The following SHROOM2 variants were observed in gnomAD, a reference collection of about 807,000 sequenced individuals.
SHROOM2 encodes the protein shroom family member 2.
SHROOM2 carries 33 observed loss-of-function variants against 75.9 expected under a neutral mutation model. The ratio of observed to expected loss-of-function variants is 0.43; its 90% CI spans 0.33 to 0.58. The LOEUF (loss-of-function observed/expected upper bound fraction) is 0.58. SHROOM2 is among the 20% of genes least tolerant of loss of function. The pLI, the probability that SHROOM2 is intolerant of heterozygous loss-of-function variation, is 0.04. For missense variants in SHROOM2, 1,434 were observed against 1,461.2 expected (o/e 0.98, Z 0.30); for synonymous variants, 655 against 663.6 (o/e 0.99, Z 0.20).
At chrX:9,939,399 C>T (rs370617364) in intron 8 of SHROOM2, 33 bp downstream of exon 8, 19 of 1,143,057 alleles carry the variant, frequency 1.7e-5, no homozygotes, top group Non-Finnish European at 2.2e-5. Context: ...ACAGCGTGTG[C>T]GTGTCCAGGC....
intron 1 of SHROOM2, among the ~76,000 whole-genome samples, chrX:9,857,563 T>A (rs1000784808): frequency 1.8e-5 from 2 of 109,229 alleles, no homozygotes; most frequent in Admixed American, 9.8e-5. Flanking sequence ...ATGTTTAAAA[T>A]TTTTTTGTAG....
intron 1 of SHROOM2, among the ~76,000 whole-genome samples, chrX:9,859,722 G>A (rs918734491): frequency 3.6e-5 from 4 of 111,692 alleles, no homozygotes; most frequent in Non-Finnish European, 5.6e-5. Flanking sequence ...CTGTTGTTGC[G>A]GGTGTGTGAT....
rs764975606 is a variant in SHROOM2 at position 9,894,919 on chromosome X, C to G, written c.1011C>G (p.Gly337=). ...AATKSHEKAQ[G]PVFSEAAAAQ... is the part of the protein sequence containing the mutation. ...CCAAGAGCCACGAGAAGGCCCAGGG[C>G]CCTGTGTTCTCAGAGGCGGCTGCGG... The change falls in exon 4 of 10, where the codon GGC becomes GGG. Residue 337 remains glycine, a synonymous_variant. Coordinates refer to ENST00000380913, the MANE Select transcript of SHROOM2 (RefSeq NM_001649.4). 1.7e-6 allele frequency: 2 copies of G among 1,211,493 alleles called. No homozygotes were observed. The highest frequency in any genetic ancestry group is 2.2e-6 in the Non-Finnish European group (2 of 895,403).
rs779676729 is a variant in SHROOM2 at position 9,937,248 on chromosome X, G to A, written c.3702G>A (p.Glu1234=). 1.2e-4 allele frequency: 147 copies of A among 1,208,818 alleles called. No homozygotes were observed. The highest frequency in any genetic ancestry group is 1.6e-4 in the Non-Finnish European group (141 of 894,473). The change falls in exon 7 of 10, where the codon GAG becomes GAA. Residue 1234 remains glutamate, a synonymous_variant. Coordinates refer to ENST00000380913, the MANE Select transcript of SHROOM2 (RefSeq NM_001649.4). ...ESRQSLACPA[E]PPALPHGLEK... ...GCCAGAGCCTGGCATGCCCCGCCGA[G>A]CCACCTGCCCTGCCCCACGGGCTGG... is the stretch of plus-strand genomic sequence containing the variant.
rs746719513 is a variant in SHROOM2 at position 9,822,002 on chromosome X, A to C, written c.165+35292A>C. On this transcript the variant is annotated intron_variant, in intron 1 of 9. Transcript: ENST00000380913. ...GGTGTGTGTTCAGCCTTATTCTTGAATTGTAGAGACCTCACTGAGAGGAGG... is the reference window on the plus strand; with the variant it reads ...GGTGTGTGTTCAGCCTTATTCTTGACTTGTAGAGACCTCACTGAGAGGAGG... Among the ~76,000 whole-genome samples the C allele has an allele frequency of 6.2e-5, 7 of 112,645 alleles. No homozygotes were observed. The East Asian group carries it at 2.0e-3, about 31-fold the overall frequency.
intron 3 of SHROOM2, among the ~76,000 whole-genome samples, chrX:9,893,129 G>A (rs1293620700): frequency 9.0e-6 from 1 of 110,738 alleles, no homozygotes; most frequent in African/African-American, 3.3e-5. Flanking sequence ...TTGAAACAGG[G>A]TTTTACTCCA....
At chrX:9,936,870 C>T (rs2084714010) in intron 6 of SHROOM2, among the ~76,000 whole-genome samples, 1 of 112,004 alleles carries the variant, frequency 8.9e-6, no homozygotes, top group South Asian at 3.7e-4. Flanking sequence ...CCCTGGAGGA[C>T]ACCTTGGGAT....
At chrX:9,903,754 A>C (rs2084377073) in intron 5 of SHROOM2, among the ~76,000 whole-genome samples, 1 of 110,605 alleles carries the variant, frequency 9.0e-6, no homozygotes, top group African/African-American at 3.3e-5. Context: ...CGTGTTGCCC[A>C]AGCTGGTCTT....
At chrX:9,902,002 G>T (rs1244820279) in intron 5 of SHROOM2, among the ~76,000 whole-genome samples, 1 of 107,462 alleles carries the variant, frequency 9.3e-6, no homozygotes, top group Non-Finnish European at 1.9e-5. Context: ...GGTGGGGAGG[G>T]TGGGTGGATG....
At chrX:9,936,910 A>G (rs1355263081) in intron 6 of SHROOM2, among the ~76,000 whole-genome samples, 1 of 111,609 alleles carries the variant, frequency 9.0e-6, no homozygotes, top group Non-Finnish European at 1.9e-5. Context: ...CGGTTTGAGC[A>G]TAGAAAGGAT....
intron 1 of SHROOM2, among the ~76,000 whole-genome samples, chrX:9,809,514 G>A (rs1279989485): frequency 8.9e-6 from 1 of 111,811 alleles, no homozygotes; most frequent in Non-Finnish European, 1.9e-5. Flanking sequence ...TCCACCCCTT[G>A]TCAATGTGAG....
chrX:9,851,519 C>A (rs1032672424), intron 1 of SHROOM2, among the ~76,000 whole-genome samples: 190 of 92,590 alleles, frequency 2.1e-3, no homozygotes, highest in African/African-American at 7.1e-3. Flanking sequence ...GGCGTGATCA[C>A]GGCTGACTGC....
Position 9,949,385 on chromosome X carries a change from C to G in SHROOM2, c.*2448C>G, listed in dbSNP as rs1318986520. 9.2e-6 allele frequency: 3 copies of G among 325,963 alleles called. No individual in the cohort carries two copies. Among genetic ancestry groups the G allele is most frequent in the Non-Finnish European group, 1.8e-5 (3 of 168,424 alleles). The allele number at this position is 325,963 out of a possible 1,213,427, so 26.9% of individuals were successfully genotyped here. A position where few individuals can be genotyped will look rare whatever the true frequency, so the allele number is the denominator to read the frequency against. ...TTTCATGCTCGACACTTACCACTCA[C>G]CTATCAACAGATCATCCTGCTTGAC... is the stretch of plus-strand genomic sequence containing the variant. On this transcript the variant is annotated 3_prime_UTR_variant, in exon 10 of 10. Transcript: ENST00000380913.
At chrX:9,802,399 G>A (rs1343222979) in intron 1 of SHROOM2, among the ~76,000 whole-genome samples, 1 of 112,634 alleles carries the variant, frequency 8.9e-6, no homozygotes, top group Non-Finnish European at 1.9e-5. Flanking sequence ...TTTGCTGAGT[G>A]CTGCTTTAGA....
chrX:9,793,752 T>TA (rs2146724536), intron 1 of SHROOM2, among the ~76,000 whole-genome samples: 1 of 104,178 alleles, frequency 9.6e-6, no homozygotes, highest in East Asian at 3.0e-4. Flanking sequence ...CTTCCTTTCT[T>TA]TTTTTTTTTT....
At chrX:9,793,496 G>A (rs2083678840) in intron 1 of SHROOM2, among the ~76,000 whole-genome samples, 1 of 108,395 alleles carries the variant, frequency 9.2e-6, no homozygotes, top group Admixed American at 1.0e-4. Context: ...CGCCATGATG[G>A]CCAGGCTGGT....
chrX:9,795,929 G>A (rs776474209), intron 1 of SHROOM2, among the ~76,000 whole-genome samples: 7 of 110,919 alleles, frequency 6.3e-5, no homozygotes, highest in African/African-American at 2.3e-4. Flanking sequence ...AGTTTGGAGG[G>A]AAGGTTACCA....
At chrX:9,835,204 A>G (rs2083937435) in intron 1 of SHROOM2, among the ~76,000 whole-genome samples, 1 of 112,862 alleles carries the variant, frequency 8.9e-6, no homozygotes, top group Non-Finnish European at 1.9e-5. Context: ...CCTGCAGGGC[A>G]GAGAACCTGT....
At chrX:9,870,611 C>T (rs2084165952) in intron 1 of SHROOM2, among the ~76,000 whole-genome samples, 1 of 111,972 alleles carries the variant, frequency 8.9e-6, no homozygotes, top group African/African-American at 3.2e-5. Context: ...AAAATTGTAA[C>T]GTGAAGTACA....
Sources: allele counts gnomAD v4.1 joint callset (sites outside exome capture counted in the v4.1 genomes callset), GRCh38; gene constraint gnomAD v4.1.1; transcripts MANE v1.5; gene names NCBI Gene and HGNC (gene_info 2026-07-23, HGNC 2026-07-21).